The following UBAP2 variants were observed in gnomAD, a reference collection of about 807,000 sequenced individuals.
The protein encoded by UBAP2 is ubiquitin associated protein 2.
In UBAP2, 75 loss-of-function variants were observed where a neutral mutation model predicts 139.6. The ratio of observed to expected loss-of-function variants is 0.54; its 90% CI spans 0.45 to 0.65. The LOEUF is 0.65. Among genes scored for constraint, UBAP2 ranks in the 30% least tolerant of loss-of-function variants. The pLI is 0.00. For missense variants in UBAP2, 1,368 were observed against 1,369.6 expected (o/e 1.00, Z 0.02); for synonymous variants, 526 against 526.2 (o/e 1.00, Z 0.01).
intron 1 of UBAP2, among the ~76,000 whole-genome samples, chr9:34,038,355 G>A (rs1362121389): frequency 1.3e-5 from 2 of 152,116 alleles, no homozygotes; most frequent in African/African-American, 2.4e-5. Context: ...CTGTACTGCC[G>A]CCATCTCGGC....
intron 15 of UBAP2, among the ~76,000 whole-genome samples, chr9:33,942,078 C>G (rs1381116889): frequency 6.6e-6 from 1 of 152,066 alleles, no homozygotes; most frequent in African/African-American, 2.4e-5. Context: ...CTTTGAGAGG[C>G]AGAGGTGGGC....
intron 27 of UBAP2, 42 bp downstream of exon 27, chr9:33,922,924 C>A: frequency 6.2e-7 from 1 of 1,613,930 alleles, no homozygotes; most frequent in Non-Finnish European, 8.5e-7. Flanking sequence ...TGGGCTGTAA[C>A]CTCTCAAAAA....
At chr9:33,940,342 T>C (rs1400596743) in intron 16 of UBAP2, among the ~76,000 whole-genome samples, 1 of 152,224 alleles carries the variant, frequency 6.6e-6, no homozygotes, top group Non-Finnish European at 1.5e-5. Flanking sequence ...GGCTTGGATT[T>C]ACTCATAGGA....
chr9:34,029,805 T>C (rs543545543), intron 1 of UBAP2, among the ~76,000 whole-genome samples: 2 of 147,098 alleles, frequency 1.4e-5, no homozygotes, highest in African/African-American at 5.0e-5. Flanking sequence ...CTGGCCAACA[T>C]GGTGAAAACC....
intron 4 of UBAP2, among the ~76,000 whole-genome samples, chr9:33,991,359 A>T (rs1007343668): frequency 1.3e-5 from 2 of 152,194 alleles, no homozygotes; most frequent in Non-Finnish European, 2.9e-5. Context: ...AGACAAAATG[A>T]TCAACAGCAT....
intron 2 of UBAP2, among the ~76,000 whole-genome samples, chr9:34,003,509 G>T: frequency 6.6e-6 from 1 of 150,786 alleles, no homozygotes; most frequent in East Asian, 2.0e-4. Context: ...AGGTTCAAGC[G>T]ATTCTCCAGC....
At chr9:33,997,683 C>G (rs1822317097) in intron 3 of UBAP2, 1 of 152,120 alleles carries the variant, frequency 6.6e-6, no homozygotes, top group East Asian at 1.9e-4. Flanking sequence ...CAAAATTTCC[C>G]CAGTGATCAG....
intron 5 of UBAP2, 87 bp downstream of exon 5, chr9:33,988,886 T>C: frequency 1.4e-6 from 2 of 1,465,176 alleles, no homozygotes; most frequent in African/African-American, 1.4e-5. Context: ...GACTCATGCC[T>C]GTAATCCCAA....
chr9:33,987,233 A>C (rs1369410134), intron 5 of UBAP2, among the ~76,000 whole-genome samples: 1 of 152,106 alleles, frequency 6.6e-6, no homozygotes, highest in Non-Finnish European at 1.5e-5. Flanking sequence ...TAACACACGG[A>C]AACCCTGTCT....
At chr9:34,009,742 C>A (rs1158766215) in intron 2 of UBAP2, among the ~76,000 whole-genome samples, 6 of 151,768 alleles carry the variant, frequency 4.0e-5, no homozygotes, top group Admixed American at 6.6e-5. Flanking sequence ...GCCACCATGC[C>A]CAGCAGGAAA....
intron 4 of UBAP2, among the ~76,000 whole-genome samples, chr9:33,991,661 A>C (rs1028571434): frequency 6.6e-6 from 1 of 152,218 alleles, no homozygotes; most frequent in Non-Finnish European, 1.5e-5. Flanking sequence ...CTAATTAAAC[A>C]ATAAAGCTTA....
intron 7 of UBAP2, among the ~76,000 whole-genome samples, chr9:33,972,362 A>G (rs1282092913): frequency 6.6e-6 from 1 of 152,228 alleles, no homozygotes; most frequent in East Asian, 1.9e-4. Context: ...AACAATTTAA[A>G]GCTAATGAGC....
chr9:33,977,048 T>A (rs1397169269), intron 6 of UBAP2, among the ~76,000 whole-genome samples: 1 of 148,016 alleles, frequency 6.8e-6, no homozygotes, highest in Non-Finnish European at 1.5e-5. Flanking sequence ...ATTTATTTTT[T>A]TTTTTTTTGA....
intron 2 of UBAP2, among the ~76,000 whole-genome samples, chr9:34,009,094 GGTGTTTTGTTTTGTTT>G (rs1823512063): frequency 6.7e-6 from 1 of 148,490 alleles, no homozygotes; most frequent in South Asian, 2.1e-4. Context: ...CTAAAAATTT[GGTGTTTTGTTTTGTTT>G]TTTTTTTGAG....
chr9:34,010,528 C>A (rs947216839), intron 2 of UBAP2, among the ~76,000 whole-genome samples: 2 of 150,928 alleles, frequency 1.3e-5, no homozygotes, highest in African/African-American at 4.9e-5. Flanking sequence ...ATTTAATTCA[C>A]TTTGAAAAGC....
chr9:33,922,700 G>A lies in UBAP2; in HGVS notation c.3251C>T (p.Pro1084Leu), dbSNP rs199859255. Residue 1084 changes from proline to leucine, a missense_variant, in exon 28 of 29, where the codon CCG becomes CTG. Pro to Leu is a moderately conservative substitution (Grantham distance 98). Transcript: ENST00000379238. The stretch of plus-strand genomic sequence containing the variant: ...CACTGTACTCACCTGTGCATCCTGC[G>A]GAAGGTGGTGGTGCAGCAGCTGTGA... The part of the protein sequence containing the change: ...PHSQLLHHHL[P>L]QDAQSGSGQR... 1.4e-5 allele frequency: 22 copies of A among 1,549,770 alleles called. No homozygotes were observed. Among genetic ancestry groups the A allele is most frequent in the South Asian group, 1.0e-4 (8 of 79,812 alleles).
chr9:34,044,201 A>G (rs1006441418), intron 1 of UBAP2, among the ~76,000 whole-genome samples: 2 of 151,416 alleles, frequency 1.3e-5, no homozygotes, highest in African/African-American at 2.4e-5. Context: ...GGAGATCAAG[A>G]CCATCCTGGC....
intron 6 of UBAP2, 125 bp downstream of exon 6, chr9:33,986,635 T>C: frequency 2.4e-6 from 2 of 823,670 alleles, no homozygotes; most frequent in Admixed American, 3.8e-5. Flanking sequence ...AAACAAATGA[T>C]CAGATTTTAG....
intron 8 of UBAP2, among the ~76,000 whole-genome samples, chr9:33,969,553 A>T (rs1325820824): frequency 9.9e-6 from 1 of 100,608 alleles, no homozygotes; most frequent in East Asian, 2.1e-4. Context: ...TCTCTCTTTA[A>T]AAAAAAAAAA....
Sources: gnomAD v4.1 joint callset for allele counts (sites outside exome capture counted in the v4.1 genomes callset) on GRCh38, gnomAD v4.1.1 for gene constraint, MANE v1.5 for transcripts, NCBI Gene and HGNC (gene_info 2026-07-23, HGNC 2026-07-21) for gene names.